Variants in NBAS observed in about 807,000 individuals in gnomAD.
NBAS encodes NBAS subunit of NRZ tethering complex.
In NBAS, 219 loss-of-function variants were observed where a neutral mutation model predicts 302.5. The ratio of observed to expected loss-of-function variants is 0.72; its 90% confidence interval spans 0.65 to 0.81. The LOEUF (loss-of-function observed/expected upper bound fraction) is 0.81, where lower values mean the gene tolerates loss of function less well. Ranked by LOEUF, NBAS falls within the 30% of genes least tolerant of loss-of-function variation. The pLI is 0.00. For missense variants in NBAS, 2,932 were observed against 2,841.6 expected, an observed-to-expected ratio of 1.03 and a Z score of -0.72; for synonymous variants, 1,118 against 1,021.6, an observed-to-expected ratio of 1.09 and a Z score of -1.80.
chr2:15,311,884 C>T (rs570914373), intron 38 of NBAS, among the ~76,000 whole-genome samples: 14 of 152,276 alleles, frequency 9.2e-5, no homozygotes, highest in African/African-American at 3.4e-4. Context: ...ACTCTGACAA[C>T]TTCCACAGTC....
At chr2:15,356,047 A>G (rs375348138) in intron 33 of NBAS, among the ~76,000 whole-genome samples, 10 of 152,374 alleles carry the variant, frequency 6.6e-5, no homozygotes, top group South Asian at 2.1e-4. Flanking sequence ...AATTATTTTT[A>G]AATTACGAGC....
At chr2:14,972,361 G>A in the NBAS span, among the ~76,000 whole-genome samples, 3 of 151,954 alleles carry the variant, frequency 2.0e-5, no homozygotes, top group Non-Finnish European at 4.4e-5. Context: ...AACCACCATG[G>A]CACACAAATA....
chr2:15,179,219 G>A (rs1572403030), intron 50 of NBAS, 103 bp from the exon 51 acceptor site: 2 of 1,567,002 alleles, frequency 1.3e-6, no homozygotes, highest in East Asian at 4.6e-5. Context: ...TAGCGTGTGT[G>A]TGTGTGTGTA....
At chr2:14,824,380 T>C in the NBAS span, among the ~76,000 whole-genome samples, 1 of 151,962 alleles carries the variant, frequency 6.6e-6, no homozygotes, top group Non-Finnish European at 1.5e-5. Flanking sequence ...GCAAATAAAA[T>C]TACAATGCTA....
chr2:15,109,253 A>C, the NBAS span, among the ~76,000 whole-genome samples: 2 of 152,162 alleles, frequency 1.3e-5, no homozygotes. Flanking sequence ...GTTCTTAGGC[A>C]AGTAAAAAAT....
chr2:15,256,640 C>T (rs781761055), intron 44 of NBAS, among the ~76,000 whole-genome samples: 1 of 152,172 alleles, frequency 6.6e-6, no homozygotes, highest in Non-Finnish European at 1.5e-5. Context: ...TTCCAGTTCT[C>T]AGAGAAAATG....
intron 9 of NBAS, among the ~76,000 whole-genome samples, chr2:15,533,670 G>A (rs1663332652): frequency 7.1e-6 from 1 of 140,984 alleles, no homozygotes; most frequent in African/African-American, 2.7e-5. Flanking sequence ...GAGGACTTCG[G>A]GGGGTGTGCG....
chr2:15,489,796 C>T (rs1333570551), intron 11 of NBAS, among the ~76,000 whole-genome samples: 1 of 152,156 alleles, frequency 6.6e-6, no homozygotes, highest in Non-Finnish European at 1.5e-5. Context: ...TGAGCAGAGA[C>T]ATCACCTGCC....
At position 15,488,900 on chromosome 2, in the gene NBAS, A is replaced by G; in HGVS notation, c.1077T>C (p.Asn359=). The G allele has an allele frequency of 6.2e-7, 1 of 1,613,730 alleles. No homozygotes were observed. Among genetic ancestry groups the G allele is most frequent in the African/African-American group, 1.3e-5 (1 of 75,018 alleles). The change falls in exon 12 of 52, where the codon AAT becomes AAC. Residue 359 remains asparagine, a synonymous_variant. Transcript: ENST00000281513. The stretch of plus-strand genomic sequence containing the variant: ...TAATAACCAAGAGACGCACCTGCTC[A>G]TTTTGACCCCATTCCCCTTGTTGCT... ...SLKQQGEWGQ[N]EQPGYDDLNP...
intron 48 of NBAS, among the ~76,000 whole-genome samples, chr2:15,210,943 T>C (rs13032517): frequency 5.9e-4 from 90 of 152,074 alleles, no homozygotes; most frequent in Non-Finnish European, 1.0e-3. Flanking sequence ...CTCATGCAGA[T>C]AGAGAATAGA....
At chr2:15,545,317 G>T (rs1185402801) in intron 6 of NBAS, among the ~76,000 whole-genome samples, 7 of 151,928 alleles carry the variant, frequency 4.6e-5, no homozygotes, top group Admixed American at 3.9e-4. Context: ...GCAGAAGAAA[G>T]GAACTATTAA....
intron 21 of NBAS, among the ~76,000 whole-genome samples, chr2:15,435,156 C>G (rs976655359): frequency 6.6e-6 from 1 of 151,896 alleles, no homozygotes; most frequent in African/African-American, 2.4e-5. Flanking sequence ...AAAAAATAAC[C>G]CACCTATGTG....
chr2:14,968,604 A>G, the NBAS span, among the ~76,000 whole-genome samples: 1 of 152,218 alleles, frequency 6.6e-6, no homozygotes. Context: ...TGCCTGGCCG[A>G]ACATGTTTAG....
At chr2:15,532,999 C>T (rs1275376692) in intron 9 of NBAS, among the ~76,000 whole-genome samples, 1 of 151,866 alleles carries the variant, frequency 6.6e-6, no homozygotes, top group Non-Finnish European at 1.5e-5. Flanking sequence ...CATGAATGGC[C>T]GATAACATAT....
At chr2:15,432,335 C>A (rs184834686) in intron 21 of NBAS, among the ~76,000 whole-genome samples, 1 of 149,984 alleles carries the variant, frequency 6.7e-6, no homozygotes, top group East Asian at 1.9e-4. Flanking sequence ...AAAATAATGG[C>A]TGCTTTTACT....
At chr2:15,156,924 G>C in the NBAS span, among the ~76,000 whole-genome samples, 1 of 152,044 alleles carries the variant, frequency 6.6e-6, no homozygotes, top group Admixed American at 6.6e-5. Context: ...AACCTTTCTG[G>C]ATTTTGGGGA....
intron 22 of NBAS, among the ~76,000 whole-genome samples, chr2:15,425,595 A>T (rs1677429250): frequency 1.3e-5 from 2 of 152,164 alleles, no homozygotes; most frequent in South Asian, 4.1e-4. Context: ...TACTTTGCTT[A>T]TACCTGCCAC....
chr2:14,902,348 TCTC>T, the NBAS span, among the ~76,000 whole-genome samples: 13 of 152,164 alleles, frequency 8.5e-5, no homozygotes, highest in African/African-American at 2.2e-4. Context: ...GCCAGGCTGT[TCTC>T]CAACTCCTGG....
chr2:15,219,664 C>G (rs1666838168), intron 47 of NBAS, among the ~76,000 whole-genome samples: 1 of 138,714 alleles, frequency 7.2e-6, no homozygotes, highest in Non-Finnish European at 1.5e-5. Flanking sequence ...TCAACAGGAT[C>G]CCAAGGCAGA....
Sources: allele counts gnomAD v4.1 joint callset (sites outside exome capture counted in the v4.1 genomes callset), GRCh38; gene constraint gnomAD v4.1.1; transcripts MANE v1.5; gene names NCBI Gene and HGNC (gene_info 2026-07-23, HGNC 2026-07-21).